Variants in ABTB2 observed in about 807,000 individuals in gnomAD.
ABTB2 encodes the protein ankyrin repeat and BTB/POZ domain-containing protein 2.
ABTB2 carries 56 observed loss-of-function variants against 104.1 expected under a neutral mutation model. The observed-to-expected ratio is 0.54, with a 90% confidence interval of 0.43 to 0.67. ABTB2 has a LOEUF of 0.67. Ranked by LOEUF, ABTB2 falls within the 30% of genes least tolerant of loss-of-function variation. ABTB2 has a pLI of 0.00. For missense variants in ABTB2, 1,279 were observed against 1,407.7 expected (o/e 0.91, Z 1.46); for synonymous variants, 606 against 608.2 (o/e 1.00, Z 0.05).
At chr11:34,258,559 A>C (rs558349027) in intron 1 of ABTB2, among the ~76,000 whole-genome samples, 55 of 150,684 alleles carry the variant, frequency 3.7e-4, no homozygotes, top group Non-Finnish European at 5.9e-4. Flanking sequence ...TAAAATATGC[A>C]CAGTCCTTAG....
At chr11:34,309,019 C>T (rs1352106882) in intron 1 of ABTB2, among the ~76,000 whole-genome samples, 1 of 152,162 alleles carries the variant, frequency 6.6e-6, no homozygotes, top group African/African-American at 2.4e-5. Flanking sequence ...GAATGTGCTG[C>T]AATCCTGAAT....
chr11:34,229,997 T>A (rs1048268886), intron 1 of ABTB2, among the ~76,000 whole-genome samples: 3 of 152,208 alleles, frequency 2.0e-5, no homozygotes, highest in Non-Finnish European at 4.4e-5. Flanking sequence ...TCCTCTCTTC[T>A]GAAGCTCACT....
chr11:34,160,719 G>C (rs1172030977), intron 11 of ABTB2, among the ~76,000 whole-genome samples, 184 bp downstream of exon 11: 1 of 117,616 alleles, frequency 8.5e-6, no homozygotes, highest in African/African-American at 3.1e-5. Context: ...TGGGTGCTGG[G>C]GGCGGGCGTG....
intron 1 of ABTB2, among the ~76,000 whole-genome samples, chr11:34,320,136 C>T (rs527256046): frequency 2.6e-5 from 4 of 152,328 alleles, no homozygotes; most frequent in East Asian, 3.9e-4. Flanking sequence ...TATTAGCACA[C>T]GTTACTTAAT....
At chr11:34,241,838 T>C (rs991376051) in intron 1 of ABTB2, among the ~76,000 whole-genome samples, 2 of 152,216 alleles carry the variant, frequency 1.3e-5, no homozygotes, top group African/African-American at 4.8e-5. Flanking sequence ...CCCTTCATCA[T>C]CACTGAACCA....
intron 14 of ABTB2, among the ~76,000 whole-genome samples, chr11:34,158,815 G>A (rs545460176): frequency 6.6e-6 from 1 of 152,330 alleles, no homozygotes; most frequent in African/African-American, 2.4e-5. Flanking sequence ...GACCAATGTG[G>A]CCGGGGTTTG....
intron 1 of ABTB2, among the ~76,000 whole-genome samples, chr11:34,210,666 C>A (rs189143889): frequency 1.3e-5 from 2 of 152,222 alleles, no homozygotes; most frequent in African/African-American, 4.8e-5. Context: ...CTGCCACCAA[C>A]GGCCCCACTA....
At chr11:34,230,533 G>T (rs181812321) in intron 1 of ABTB2, among the ~76,000 whole-genome samples, 1 of 152,132 alleles carries the variant, frequency 6.6e-6, no homozygotes, top group South Asian at 2.1e-4. Context: ...GGACATGGAC[G>T]GGGAAGGCTC....
rs112463389 is a variant in ABTB2 at position 34,191,134 on chromosome 11, T to G, written c.1244+6191A>C. On this transcript the variant is annotated intron_variant, in intron 3 of 16. Coordinates refer to ENST00000435224, the MANE Select transcript of ABTB2 (RefSeq NM_145804.3). ...CCATCAGAAGCCCCAGGTGAAATGG[T>G]GGCATGCACCTATAGTCCCAGCTAC... 4.8e-3 allele frequency among the ~76,000 whole-genome samples: 738 copies of G among 152,228 alleles called. 8 individuals are homozygous for G. Among genetic ancestry groups the G allele is most frequent in the African/African-American group, 0.017 (691 of 41,524 alleles).
intron 1 of ABTB2, among the ~76,000 whole-genome samples, chr11:34,315,685 C>A (rs1854919237): frequency 6.6e-6 from 1 of 152,236 alleles, no homozygotes; most frequent in African/African-American, 2.4e-5. Context: ...TTCTGGCTGG[C>A]CGTAGCCCGG....
intron 9 of ABTB2, 128 bp downstream of exon 9, chr11:34,164,556 GCA>G (rs1852770419): frequency 8.8e-7 from 1 of 1,142,810 alleles, no homozygotes; most frequent in Non-Finnish European, 1.1e-6. Flanking sequence ...TGGTTTACTA[GCA>G]CACAGGCCCC....
chr11:34,313,762 G>C (rs1377216462), intron 1 of ABTB2, among the ~76,000 whole-genome samples: 4 of 152,236 alleles, frequency 2.6e-5, no homozygotes, highest in Non-Finnish European at 4.4e-5. Flanking sequence ...GGAGAAACAA[G>C]TGGATCTGTG....
At chr11:34,285,578 G>A (rs1039467142) in intron 1 of ABTB2, among the ~76,000 whole-genome samples, 3 of 152,156 alleles carry the variant, frequency 2.0e-5, no homozygotes, top group African/African-American at 4.8e-5. Context: ...GAGGCCAGGC[G>A]AGGGTTCATC....
chr11:34,264,141 G>A (rs1307963177), intron 1 of ABTB2, among the ~76,000 whole-genome samples: 2 of 152,220 alleles, frequency 1.3e-5, no homozygotes, highest in Non-Finnish European at 1.5e-5. Flanking sequence ...GCCATCAGGA[G>A]AGTCTCCAAA....
At chr11:34,163,238 C>G (rs994941230) in intron 9 of ABTB2, among the ~76,000 whole-genome samples, 6 of 152,182 alleles carry the variant, frequency 3.9e-5, no homozygotes, top group Admixed American at 1.3e-4. Context: ...GCAGGTCTTT[C>G]TAAATAGCAG....
chr11:34,193,662 AAAG>A (rs1216171303), intron 3 of ABTB2, among the ~76,000 whole-genome samples: 2 of 152,244 alleles, frequency 1.3e-5, no homozygotes, highest in Non-Finnish European at 2.9e-5. Context: ...ATGGGCTTTA[AAAG>A]AAGGGCGTAT....
intron 1 of ABTB2, among the ~76,000 whole-genome samples, chr11:34,259,423 C>T (rs2133073717): frequency 6.6e-6 from 1 of 152,360 alleles, no homozygotes; most frequent in African/African-American, 2.4e-5. Flanking sequence ...TAGGTAAGAA[C>T]CACCACAGAA....
intron 1 of ABTB2, among the ~76,000 whole-genome samples, chr11:34,257,673 C>T (rs534024165): frequency 1.1e-4 from 16 of 152,260 alleles, no homozygotes; most frequent in African/African-American, 3.9e-4. Context: ...ACTGCAGCTT[C>T]GACCTCCTGG....
chr11:34,196,989 C>G (rs974663137), intron 3 of ABTB2, among the ~76,000 whole-genome samples: 2 of 152,220 alleles, frequency 1.3e-5, no homozygotes, highest in African/African-American at 4.8e-5. Context: ...GAGCACTAAC[C>G]TTTCTAGGTG....
Sources: allele counts gnomAD v4.1 joint callset (sites outside exome capture counted in the v4.1 genomes callset), GRCh38; gene constraint gnomAD v4.1.1; transcripts MANE v1.5; gene names NCBI Gene and HGNC (gene_info 2026-07-23, HGNC 2026-07-21).